The following PSMG2 variants were observed in gnomAD, a reference collection of about 807,000 sequenced individuals.
PSMG2 encodes the protein proteasome assembly chaperone 2.
Under a neutral mutation model 31.5 loss-of-function variants are expected in PSMG2, and 21 were observed. The observed-to-expected ratio is 0.67, with a 90% CI of 0.47 to 0.96. The LOEUF is 0.96. Among genes scored for constraint, PSMG2 ranks in the 40% least tolerant of loss-of-function variants. The probability of loss-of-function intolerance (pLI) is 0.00; values close to 1 mark genes in which losing one functional copy is unlikely to be tolerated. For missense variants in PSMG2, 318 were observed against 321.2 expected (o/e 0.99, Z 0.08); for synonymous variants, 120 against 110.4 (o/e 1.09, Z -0.54).
intron 1 of PSMG2, among the ~76,000 whole-genome samples, chr18:12,677,440 G>A (rs962989176): frequency 5.2e-5 from 6 of 115,062 alleles, no homozygotes; most frequent in Non-Finnish European, 9.8e-5. Context: ...CTGGGTGACA[G>A]AGCGAGAGAT....
rs116153121 is a variant in PSMG2 at position 12,694,368 on chromosome 18, A to G, written c.-36-12182A>G. Among the ~76,000 whole-genome samples the G allele has an allele frequency of 8.1e-4, 123 of 152,324 alleles. 1 individual carries two copies. Among genetic ancestry groups the G allele is most frequent in the African/African-American group, 2.9e-3 (122 of 41,576 alleles). On this transcript the variant is annotated intron_variant, in intron 1 of 6. Coordinates refer to the PSMG2 transcript ENST00000585331. ...ATGTAATCAAGGAGAACCATTCCAC[A>G]AGTGCCATCCCGGCAAGTCAGCAGA...
intron 1 of PSMG2, among the ~76,000 whole-genome samples, chr18:12,694,763 G>A (rs1418878564): frequency 6.6e-6 from 1 of 150,638 alleles, no homozygotes; most frequent in Non-Finnish European, 1.5e-5. Context: ...CCAGGCTGGA[G>A]TGCACTGGTG....
intron 1 of PSMG2, chr18:12,686,037 G>T: frequency 2.6e-6 from 1 of 389,038 alleles, no homozygotes; most frequent in Non-Finnish European, 4.6e-6. Context: ...CTACATAAAC[G>T]TTGTTACACA....
At chr18:12,678,189 A>C (rs937966871) in intron 1 of PSMG2, 1 of 1,614,190 alleles carries the variant, frequency 6.2e-7, no homozygotes, top group Non-Finnish European at 8.5e-7. Context: ...GTGGATGCAC[A>C]CAGAGGTGGA....
At chr18:12,671,130 T>TGC (rs141935819) in intron 1 of PSMG2, 1 of 149,224 alleles carries the variant, frequency 6.7e-6, no homozygotes, top group Non-Finnish European at 1.5e-5. Flanking sequence ...TTTAGAGAAA[T>TGC]AGGGGGGGGT....
In PSMG2 at chr18:12,725,674, T is replaced by G. The variant is rs1481490371; in HGVS notation, c.*143T>G. On this transcript the variant is annotated 3_prime_UTR_variant, in exon 7 of 7. Transcript: ENST00000317615. ...CAAAGAAAAAAGATTAAGGGTCTCTTTGCCATGCTTTTCATCATATGCACC... is the reference window on the plus strand; with the variant it reads ...CAAAGAAAAAAGATTAAGGGTCTCTGTGCCATGCTTTTCATCATATGCACC... The G allele has an allele frequency of 2.0e-6, 1 of 495,014 alleles. No individual in the cohort carries two copies. Among genetic ancestry groups the G allele is most frequent in the Non-Finnish European group, 3.4e-6 (1 of 290,836 alleles). The allele number at this position is 495,014 out of a possible 1,614,324, so 30.7% of individuals were successfully genotyped here. A position where few individuals can be genotyped will look rare whatever the true frequency, so the allele number is the denominator to read the frequency against.
chr18:12,690,519 G>A lies in PSMG2; in HGVS notation c.-36-16031G>A, dbSNP rs1454121734. ...TGCCCAGGCCGGACTGCAGTGGTGC[G>A]ATCTCGGCTCACTGCAAGCTCCGCC... On this transcript the variant is annotated intron_variant, in intron 1 of 6. Transcript: ENST00000585331. Among the ~76,000 whole-genome samples the A allele has an allele frequency of 5.3e-5, 8 of 151,586 alleles. No individual in the cohort carries two copies. In the East Asian group the frequency reaches 9.8e-4, roughly 18 times the overall value.
chr18:12,711,644 G>A (rs1039341808), intron 2 of PSMG2, among the ~76,000 whole-genome samples: 2 of 151,788 alleles, frequency 1.3e-5, no homozygotes, highest in Admixed American at 1.3e-4. Flanking sequence ...CAAAGGATTT[G>A]CTGTTATTTG....
intron 3 of PSMG2, among the ~76,000 whole-genome samples, chr18:12,715,681 CT>C (rs1326196858): frequency 6.6e-6 from 1 of 151,094 alleles, no homozygotes; most frequent in Admixed American, 6.6e-5. Context: ...ACTTTTTGTA[CT>C]TTTAGTAGAG....
At chr18:12,679,467 C>T (rs1327851131) in intron 1 of PSMG2, among the ~76,000 whole-genome samples, 10 of 152,052 alleles carry the variant, frequency 6.6e-5, no homozygotes, top group Admixed American at 5.9e-4. Flanking sequence ...CTTTGTGGAG[C>T]GTCCGTTTCC....
At chr18:12,718,973 A>G (rs2040404135) in intron 4 of PSMG2, among the ~76,000 whole-genome samples, 1 of 152,244 alleles carries the variant, frequency 6.6e-6, no homozygotes, top group African/African-American at 2.4e-5. Flanking sequence ...CAAGATTTAT[A>G]AAGTTGCTAA....
intron 1 of PSMG2, among the ~76,000 whole-genome samples, chr18:12,681,583 A>G (rs977287112): frequency 1.3e-5 from 2 of 152,112 alleles, no homozygotes; most frequent in African/African-American, 4.8e-5. Context: ...GCTGAAGTAC[A>G]TGAACAAACA....
intron 3 of PSMG2, among the ~76,000 whole-genome samples, chr18:12,715,706 A>T (rs1416113465): frequency 6.6e-6 from 1 of 152,018 alleles, no homozygotes; most frequent in South Asian, 2.1e-4. Flanking sequence ...GGGTTTTGCC[A>T]TGTTGGCTAG....
At chr18:12,659,734 GT>G (rs2038656427) in intron 1 of PSMG2, among the ~76,000 whole-genome samples, 1 of 152,096 alleles carries the variant, frequency 6.6e-6, no homozygotes, top group African/African-American at 2.4e-5. Context: ...TATAATTTCA[GT>G]ACGAGAGAGA....
chr18:12,724,673 C>G, intron 6 of PSMG2, 54 bp downstream of exon 6: 1 of 1,493,226 alleles, frequency 6.7e-7, no homozygotes. Context: ...TTCATTAACT[C>G]GCACTTTATA....
At chr18:12,688,045 C>A (rs1420466808) in intron 1 of PSMG2, among the ~76,000 whole-genome samples, 1 of 151,792 alleles carries the variant, frequency 6.6e-6, no homozygotes, top group Non-Finnish European at 1.5e-5. Flanking sequence ...AGATCAATTC[C>A]ATCCTGGCTA....
chr18:12,698,097 GA>G (rs1034862654), upstream of PSMG2, among the ~76,000 whole-genome samples: 87 of 149,872 alleles, frequency 5.8e-4, no homozygotes, highest in African/African-American at 1.9e-3. Flanking sequence ...GGAGAAATAA[GA>G]AAAAAAAGAA....
intron 1 of PSMG2, chr18:12,672,997 G>A (rs867931835): frequency 5.0e-6 from 5 of 993,090 alleles, no homozygotes; most frequent in Non-Finnish European, 6.0e-6. Flanking sequence ...TGATCATACT[G>A]ATTTGTCTAG....
chr18:12,674,567 T>G (rs1332482694), intron 1 of PSMG2: 3 of 1,613,924 alleles, frequency 1.9e-6, no homozygotes, highest in African/African-American at 2.7e-5. Context: ...CGTCTTGCAT[T>G]TCTATACACA....
Sources: allele counts gnomAD v4.1 joint callset (sites outside exome capture counted in the v4.1 genomes callset), GRCh38; gene constraint gnomAD v4.1.1; transcripts MANE v1.5; gene names NCBI Gene and HGNC (gene_info 2026-07-23, HGNC 2026-07-21).